APPL2: variants seen among roughly 807,000 people sequenced by gnomAD.
The protein encoded by APPL2 is adaptor protein, phosphotyrosine interacting with PH domain and leucine zipper 2, also known as DCC-interacting protein 13-beta.
A neutral mutation model predicts 92.7 loss-of-function variants in APPL2; 84 were observed. That is an observed-to-expected ratio of 0.91 (90% CI 0.76 to 1.09). The LOEUF is 1.09. APPL2 is among the 50% of genes least tolerant of loss of function. APPL2 has a pLI of 0.00. For missense variants in APPL2, 736 were observed against 824.5 expected (o/e 0.89, Z 1.31); for synonymous variants, 291 against 291.0 (o/e 1.00, Z 0.00).
At chr12:105,228,796 G>A (rs954843894) in intron 2 of APPL2, among the ~76,000 whole-genome samples, 1 of 152,130 alleles carries the variant, frequency 6.6e-6, no homozygotes, top group African/African-American at 2.4e-5. Context: ...AAGACAAAGA[G>A]TATGTGTCAA....
At chr12:105,205,689 CGG>C (rs1169734697) in intron 8 of APPL2, among the ~76,000 whole-genome samples, 1 of 152,230 alleles carries the variant, frequency 6.6e-6, no homozygotes, top group East Asian at 1.9e-4. Context: ...AGCAAGGCTA[CGG>C]CCCCAGAGGG....
chr12:105,212,545 T>C (rs1248993885), intron 4 of APPL2, among the ~76,000 whole-genome samples: 1 of 152,244 alleles, frequency 6.6e-6, no homozygotes, highest in Non-Finnish European at 1.5e-5. Flanking sequence ...TACTTTCCAC[T>C]ACATAGCCTG....
chr12:105,226,862 G>T (rs182952821), intron 2 of APPL2, among the ~76,000 whole-genome samples: 2 of 152,114 alleles, frequency 1.3e-5, no homozygotes, highest in Non-Finnish European at 2.9e-5. Context: ...ATTAAAACTA[G>T]TTCTAGCTAC....
chr12:105,202,510 C>G (rs1438419144), intron 9 of APPL2, among the ~76,000 whole-genome samples: 1 of 152,062 alleles, frequency 6.6e-6, no homozygotes, highest in Admixed American at 6.5e-5. Context: ...CACAGAAGTG[C>G]GAGGAATTCT....
At position 105,199,446 on chromosome 12, in the gene APPL2, G is replaced by A; in HGVS notation, c.790C>T (p.Pro264Ser). ...TGTGGTGCGGCCACATCAGAGTCTG[G>A]AGTGTAAACAGATTCATCAACAGAA... is the stretch of plus-strand genomic sequence containing the variant. ...LLSVDESVYT[P>S]DSDVAAPQIN... The change falls in exon 10 of 21, where the codon CCA becomes TCA. Residue 264 changes from proline (P) to serine (S), a missense_variant. Coordinates refer to ENST00000258530, the MANE Select transcript of APPL2 (RefSeq NM_018171.5). The A allele has an allele frequency of 1.2e-6, 2 of 1,614,184 alleles. No homozygotes were observed. Among genetic ancestry groups the A allele is most frequent in the South Asian group, 1.1e-5 (1 of 91,078 alleles).
intron 17 of APPL2, among the ~76,000 whole-genome samples, chr12:105,181,519 A>C (rs1452429711): frequency 3.3e-5 from 5 of 152,160 alleles, no homozygotes; most frequent in African/African-American, 9.7e-5. Flanking sequence ...TGTTTGGAAT[A>C]GTTTTAGAAG....
intron 1 of APPL2, among the ~76,000 whole-genome samples, chr12:105,231,269 TA>T (rs1225975876): frequency 2.7e-5 from 4 of 148,830 alleles, no homozygotes; most frequent in Non-Finnish European, 6.0e-5. Flanking sequence ...CTCTAAGGGA[TA>T]AAAACAGACT....
intron 9 of APPL2, among the ~76,000 whole-genome samples, chr12:105,199,990 G>GT (rs988663027): frequency 3.3e-4 from 47 of 143,388 alleles, no homozygotes; most frequent in Non-Finnish European, 5.7e-4. Context: ...GGCTAATTTT[G>GT]TTTTTTTTTT....
chr12:105,186,658 TATATATCATATATATG>T (rs1886694274), intron 17 of APPL2, among the ~76,000 whole-genome samples: 1 of 42,480 alleles, frequency 2.4e-5, no homozygotes, highest in Non-Finnish European at 4.5e-5. Context: ...ATCGATATCA[TATATATCATATATATG>T]ATATATCATA....
At chr12:105,203,212 C>T (rs1888380732) in intron 9 of APPL2, among the ~76,000 whole-genome samples, 1 of 152,208 alleles carries the variant, frequency 6.6e-6, no homozygotes, top group Non-Finnish European at 1.5e-5. Flanking sequence ...GCAGGGCGCC[C>T]ACAGCCTCCA....
intron 17 of APPL2, among the ~76,000 whole-genome samples, chr12:105,178,182 G>A (rs1885736780): frequency 6.6e-6 from 1 of 152,106 alleles, no homozygotes. Flanking sequence ...AGAATTTATT[G>A]CTATCTTAGA....
At chr12:105,232,625 G>A (rs1054180657) in intron 1 of APPL2, among the ~76,000 whole-genome samples, 2 of 152,052 alleles carry the variant, frequency 1.3e-5, no homozygotes, top group South Asian at 2.1e-4. Flanking sequence ...TTAGCCATGC[G>A]TGGTGATGCA....
In APPL2 at chr12:105,189,839, A is replaced by G; in HGVS notation, c.1407-15T>C. 4 of 1,614,136 alleles carry G rather than the reference A, an allele frequency of 2.5e-6. No individual in the cohort carries two copies. Among genetic ancestry groups the G allele is most frequent in the Non-Finnish European group, 3.4e-6 (4 of 1,179,992 alleles). On this transcript the variant is annotated splice_polypyrimidine_tract_variant and intron_variant, in intron 15 of 20. Transcript: ENST00000258530. ...GGTTGGTACGCCTAGGGGAATAGCC[A>G]GAGTTGAACAAACACGACAGCTGCA...
rs1566066388 is a variant in APPL2 at position 105,195,643 on chromosome 12, C to T, written c.1053-16G>A. 2 of 1,613,962 alleles carry T rather than the reference C, an allele frequency of 1.2e-6. No individual in the cohort carries two copies. The highest frequency in any genetic ancestry group is 1.7e-6 in the Non-Finnish European group (2 of 1,179,972). On this transcript the variant is annotated splice_polypyrimidine_tract_variant and intron_variant, in intron 11 of 20. Coordinates refer to ENST00000258530, the MANE Select transcript of APPL2 (RefSeq NM_018171.5). ...GATTATTCCCCTGAAACAAAAGTGT[C>T]TAAGTAATTAAGTGCTTCCCTGATC...
Position 105,177,208 on chromosome 12 carries a change from C to A in APPL2, c.1671+18G>T. 1 of 1,613,434 alleles carries A rather than the reference C, an allele frequency of 6.2e-7. No homozygotes were observed. The highest frequency in any genetic ancestry group is 8.5e-7 in the Non-Finnish European group (1 of 1,179,396). ...ATTAAGGAGTAATCACTAACATGAA[C>A]CTGTATGCGGTACTTACATTGGCCC... On this transcript the variant is annotated intron_variant, in intron 18 of 20. Transcript: ENST00000258530.
chr12:105,218,740 G>A (rs1434000036), intron 2 of APPL2, among the ~76,000 whole-genome samples: 1 of 152,210 alleles, frequency 6.6e-6, no homozygotes, highest in African/African-American at 2.4e-5. Flanking sequence ...ATATGACAAG[G>A]TCAGATTCCA....
rs139917537 is a variant in APPL2 at position 105,199,505 on chromosome 12, G to C, written c.731C>G (p.Ala244Gly). ...TTGCTGGGACACCCGCATCTTTTCCGCCTCGGCTTCCAGTTCTACCTGAAT... is the reference window on the plus strand; with the variant it reads ...TTGCTGGGACACCCGCATCTTTTCCCCCTCGGCTTCCAGTTCTACCTGAAT... ...QSIQVELEAEAEKMRVSQQEL... is the reference protein window; with the variant it reads ...QSIQVELEAEGEKMRVSQQEL... The change falls in exon 10 of 21, where the codon GCG (alanine) becomes GGG (glycine). Residue 244 changes from alanine to glycine, a missense_variant. Coordinates refer to ENST00000258530, the MANE Select transcript of APPL2 (RefSeq NM_018171.5). The C allele has an allele frequency of 8.1e-6, 13 of 1,613,686 alleles. No individual in the cohort carries two copies. Among genetic ancestry groups the C allele is most frequent in the African/African-American group, 1.3e-5 (1 of 74,852 alleles).
At chr12:105,230,862 A>C (rs1489716294) in intron 1 of APPL2, among the ~76,000 whole-genome samples, 2 of 152,228 alleles carry the variant, frequency 1.3e-5, no homozygotes, top group Non-Finnish European at 2.9e-5. Flanking sequence ...ATAATGAATA[A>C]GGAAATTGTA....
At chr12:105,216,083 T>C (rs142770621) in intron 4 of APPL2, among the ~76,000 whole-genome samples, 219 of 152,298 alleles carry the variant, frequency 1.4e-3, no homozygotes, top group African/African-American at 5.0e-3. Context: ...CAGAGTTCTG[T>C]CCAGCACTAG....
Sources: allele counts gnomAD v4.1 joint callset (sites outside exome capture counted in the v4.1 genomes callset), GRCh38; gene constraint gnomAD v4.1.1; transcripts MANE v1.5; gene names NCBI Gene and HGNC (gene_info 2026-07-23, HGNC 2026-07-21).